Variants in ATAD3B observed in about 807,000 individuals in gnomAD.
ATAD3B encodes the protein ATPase family AAA domain containing 3B.
Under a neutral mutation model 70.2 loss-of-function variants are expected in ATAD3B, and 59 were observed. That is an observed-to-expected ratio of 0.84 (90% CI 0.68 to 1.04). ATAD3B has a LOEUF of 1.04. Among genes scored for constraint, ATAD3B ranks in the 50% least tolerant of loss-of-function variants. ATAD3B has a pLI of 0.00. For synonymous variants in ATAD3B, 423 were observed against 388.6 expected, an observed-to-expected ratio of 1.09 and a Z score of -1.04; for missense variants, 961 against 913.4, an observed-to-expected ratio of 1.05 and a Z score of -0.67.
downstream of ATAD3B, among the ~76,000 whole-genome samples, chr1:1,502,747 G>A (rs1640972793): frequency 7.8e-6 from 1 of 127,878 alleles, no homozygotes; most frequent in Non-Finnish European, 1.7e-5. Context: ...CCTGAGCTCA[G>A]GCGATCCACC....
chr1:1,496,035 G>T lies in ATAD3B; in HGVS notation c.*218G>T, dbSNP rs1030237574. 2.2e-4 allele frequency: 293 copies of T among 1,332,010 alleles called. 9 individuals are homozygous for T. Among genetic ancestry groups the T allele is most frequent in the Non-Finnish European group, 2.8e-4 (287 of 1,041,684 alleles). The allele number at this position is 1,332,010 out of a possible 1,614,324, so 82.5% of individuals were successfully genotyped here. ...CCACAGCAGAGCCAGGTGAGGGGGG[G>T]CCTGCCAGGACTAGACAGAAGTGGG... On this transcript the variant is annotated 3_prime_UTR_variant, in exon 16 of 16. Coordinates refer to ENST00000673477, the MANE Select transcript of ATAD3B (RefSeq NM_031921.6).
chr1:1,484,848 G>T (rs931938080), intron 7 of ATAD3B, 168 bp from the exon 8 acceptor site: 28 of 1,406,812 alleles, frequency 2.0e-5, no homozygotes, highest in South Asian at 4.5e-5. Flanking sequence ...TCCTGTAACC[G>T]CGTGGCTGTG....
chr1:1,495,428 C>T (rs1640732992), intron 15 of ATAD3B, 57 bp from the exon 16 acceptor site: 3 of 1,547,830 alleles, frequency 1.9e-6, no homozygotes, highest in East Asian at 4.5e-5. Flanking sequence ...CCCTGGCGTG[C>T]ATTAAGGGTG....
intron 15 of ATAD3B, among the ~76,000 whole-genome samples, chr1:1,494,573 C>T (rs1640685766): frequency 6.6e-6 from 1 of 151,928 alleles, no homozygotes; most frequent in South Asian, 2.1e-4. Flanking sequence ...CACACAGTGG[C>T]TCTTGGCGAG....
downstream of ATAD3B, among the ~76,000 whole-genome samples, chr1:1,500,797 CA>C (rs564482376): frequency 1.1e-4 from 16 of 144,336 alleles, no homozygotes; most frequent in Admixed American, 1.4e-4. Context: ...ACTAAAAATA[CA>C]AAAAAAAAAT....
intron 1 of ATAD3B, among the ~76,000 whole-genome samples, chr1:1,472,896 C>T (rs1202740783): frequency 6.7e-6 from 1 of 148,838 alleles, no homozygotes; most frequent in Non-Finnish European, 1.5e-5. Flanking sequence ...TGCAGTGGTG[C>T]GATTTCGGCT....
intron 1 of ATAD3B, among the ~76,000 whole-genome samples, chr1:1,472,735 A>G (rs1415337350): frequency 2.0e-5 from 3 of 152,038 alleles, no homozygotes; most frequent in Non-Finnish European, 2.9e-5. Context: ...GATTTGTAGC[A>G]CGATGCAGTT....
intron 12 of ATAD3B, among the ~76,000 whole-genome samples, chr1:1,488,955 G>A (rs541986139): frequency 6.6e-6 from 1 of 151,936 alleles, no homozygotes; most frequent in East Asian, 1.9e-4. Context: ...TACAGATGGG[G>A]TCTCACCATG....
the ATAD3B span, chr1:1,503,272 CTT>C: frequency 3.3e-6 from 1 of 304,872 alleles, no homozygotes. Context: ...AAAATGGACA[CTT>C]TACCCATCGC....
intron 7 of ATAD3B, chr1:1,483,125 A>G (rs1431296628): frequency 2.4e-6 from 1 of 413,150 alleles, no homozygotes; most frequent in Non-Finnish European, 4.8e-6. Flanking sequence ...CCCTGTCTCT[A>G]CTAAAAAAAA....
chr1:1,502,505 G>GC (rs1316469751), downstream of ATAD3B, among the ~76,000 whole-genome samples: 5,672 of 125,736 alleles, frequency 0.045, 791 homozygotes, highest in African/African-American at 0.11. Context: ...ACCGTGCCCA[G>GC]CATTTTTTTT....
intron 1 of ATAD3B, 141 bp from the exon 2 acceptor site, chr1:1,477,133 A>T: frequency 8.9e-7 from 1 of 1,123,822 alleles, no homozygotes; most frequent in Non-Finnish European, 1.3e-6. Context: ...CCTGAGCCTC[A>T]GAGTTGCTGG....
At chr1:1,489,339 A>C (rs1640404166) in intron 13 of ATAD3B, 65 bp downstream of exon 13, 2 of 1,608,002 alleles carry the variant, frequency 1.2e-6, no homozygotes, top group Admixed American at 1.7e-5. Context: ...CTTGGTTCCC[A>C]CTGAGGGTCC....
intron 4 of ATAD3B, 84 bp from the exon 5 acceptor site, chr1:1,480,783 C>T (rs1287495265): frequency 1.3e-6 from 2 of 1,579,686 alleles, no homozygotes; most frequent in East Asian, 2.4e-5. Context: ...TTCTGTGGTC[C>T]TGGGGCGGAC....
At chr1:1,483,910 A>C (rs1309820844) in intron 7 of ATAD3B, 1 of 152,100 alleles carries the variant, frequency 6.6e-6, no homozygotes, top group East Asian at 1.9e-4. Flanking sequence ...TGACCAGGCC[A>C]CCGGCAGGTG....
chr1:1,486,149 A>G lies in ATAD3B; in HGVS notation c.1003A>G (p.Thr335Ala), dbSNP rs1414097680. The change falls in exon 10 of 16, where the codon ACC (threonine) becomes GCC (alanine). Residue 335 changes from threonine to alanine, a missense_variant. Thr to Ala is a moderately conservative substitution (Grantham distance 58, BLOSUM62 0). This residue lies in a region of ATAD3B where 349 missense variants were observed against 307.5 expected (regional missense o/e 1.14). Transcript: ENST00000673477. ...ACGGGTGCGCGACATCGCCATAGCAACCAGGAACACCAAGAAGAACCGGGG... is the reference window on the plus strand; with the variant it reads ...ACGGGTGCGCGACATCGCCATAGCAGCCAGGAACACCAAGAAGAACCGGGG... ...EARVRDIAIA[T>A]RNTKKNRGLY... is the part of the protein sequence containing the mutation. 8 of 1,613,130 alleles carry G rather than the reference A, an allele frequency of 5.0e-6. No individual in the cohort carries two copies. Among genetic ancestry groups the G allele is most frequent in the Non-Finnish European group, 6.8e-6 (8 of 1,179,644 alleles).
rs768185157 is a variant in ATAD3B at position 1,495,697 on chromosome 1, C to G, written c.1827C>G (p.Gly609=). ...ATDPSYPCLA[G]PCTFRICSWM... Reference sequence around the variant, plus strand: ...ACCCCTCCTACCCCTGCCTTGCCGGCCCCTGCACATTTAGGATATGCTCCT... The same window carrying G: ...ACCCCTCCTACCCCTGCCTTGCCGGGCCCTGCACATTTAGGATATGCTCCT... Residue 609 remains glycine (G), a synonymous_variant, in exon 16 of 16, where the codon GGC becomes GGG. Transcript: ENST00000673477. The G allele has an allele frequency of 4.3e-6, 7 of 1,613,140 alleles. No individual in the cohort carries two copies. In the South Asian group the frequency reaches 7.7e-5, roughly 18 times the overall value.
downstream of ATAD3B, among the ~76,000 whole-genome samples, chr1:1,501,277 C>T (rs1406062212): frequency 1.7e-4 from 24 of 144,038 alleles, 1 homozygote; most frequent in African/African-American, 6.1e-4. Flanking sequence ...TTTTTTGAGA[C>T]GGAGTCTCGC....
At chr1:1,482,026 G>A (rs1486471795) in intron 5 of ATAD3B, 112 bp from the exon 6 acceptor site, 61 of 1,468,266 alleles carry the variant, frequency 4.2e-5, no homozygotes, top group South Asian at 1.7e-4. Context: ...TGTCTGTGGC[G>A]TTGGTCTGTC....
Sources: gnomAD v4.1 joint callset for allele counts (sites outside exome capture counted in the v4.1 genomes callset) on GRCh38, gnomAD v4.1.1 for gene constraint, gnomAD v4.1.1 regional missense constraint, MANE v1.5 for transcripts, NCBI Gene and HGNC (gene_info 2026-07-23, HGNC 2026-07-21) for gene names.